Variants in STARD9 observed in about 807,000 individuals in gnomAD.
The protein encoded by STARD9 is stAR-related lipid transfer protein 9.
Under a neutral mutation model 399.8 loss-of-function variants are expected in STARD9, and 346 were observed. The observed-to-expected ratio is 0.87, with a 90% CI of 0.79 to 0.95. The LOEUF (loss-of-function observed/expected upper bound fraction) is 0.95. STARD9 is among the 40% of genes least tolerant of loss of function. The pLI is 0.00. For synonymous variants in STARD9, 2,203 were observed against 2,143.5 expected (o/e 1.03, Z -0.77); for missense variants, 5,832 against 5,667.5 (o/e 1.03, Z -0.93).
rs1426054352 is a variant in STARD9 at position 42,650,945 on chromosome 15, C to G, written c.560-71C>G. The stretch of plus-strand genomic sequence containing the variant: ...CAATATGAAATAGGAATGATAAAGA[C>G]TTACAAGAAAAGGTTAAAGTTTACC... On this transcript the variant is annotated intron_variant, in intron 7 of 32. Transcript: ENST00000290607. 9 of 1,107,536 alleles carry G rather than the reference C, an allele frequency of 8.1e-6. No individual in the cohort carries two copies. In the Middle Eastern group the frequency reaches 1.2e-3, roughly 143 times the overall value. The allele number at this position is 1,107,536 out of a possible 1,614,324, so 68.6% of individuals were successfully genotyped here. A position where few individuals can be genotyped will look rare whatever the true frequency, so the allele number is the denominator to read the frequency against.
chr15:42,707,906 G>A (rs1381145730), intron 26 of STARD9, among the ~76,000 whole-genome samples: 2 of 151,672 alleles, frequency 1.3e-5, no homozygotes. Context: ...AGACACGGTG[G>A]CTCACATCTG....
At chr15:42,648,698 T>A (rs2059694369) in intron 7 of STARD9, among the ~76,000 whole-genome samples, 1 of 152,168 alleles carries the variant, frequency 6.6e-6, no homozygotes, top group South Asian at 2.1e-4. Flanking sequence ...ATTCTTGAAT[T>A]GTGCTTTTGT....
intron 3 of STARD9, among the ~76,000 whole-genome samples, chr15:42,618,820 C>T (rs1467881003): frequency 1.3e-5 from 2 of 152,026 alleles, no homozygotes; most frequent in African/African-American, 4.8e-5. Context: ...GATCCACCTG[C>T]CTCGGCCTTT....
At position 42,688,750 on chromosome 15, in the gene STARD9, G is replaced by T; in HGVS notation, c.7172G>T (p.Ser2391Ile). 1 of 1,537,772 alleles carries T rather than the reference G, an allele frequency of 6.5e-7. No homozygotes were observed. The highest frequency in any genetic ancestry group is 8.7e-7 in the Non-Finnish European group (1 of 1,147,030). The change falls in exon 23 of 33, where the codon AGC becomes ATC. Residue 2391 changes from serine (S) to isoleucine (I), a missense_variant. Ser to Ile is a moderately radical substitution (Grantham distance 142). This residue lies in a region of STARD9 where 5,828 missense variants were observed against 5,651.1 expected (regional missense o/e 1.03). Transcript: ENST00000290607. ...QDQSTETRSH[S>I]PEGNVRGRSS... ...CAGAGTACGGAGACCAGAAGCCACAGCCCCGAAGGAAATGTTAGAGGGCGT... is the reference window on the plus strand; with the variant it reads ...CAGAGTACGGAGACCAGAAGCCACATCCCCGAAGGAAATGTTAGAGGGCGT...
Position 42,663,417 on chromosome 15 carries a change from A to G in STARD9, c.1005A>G (p.Pro335=), listed in dbSNP as rs781202118. 41 of 1,537,162 alleles carry G rather than the reference A, an allele frequency of 2.7e-5. No homozygotes were observed. In the South Asian group the frequency reaches 3.9e-4, roughly 15 times the overall value. The part of the protein sequence containing the change: ...GAPSRRQSYI[P]YRDSVLTWLL... ...CCTCCCGAAGGCAGTCTTATATCCC[A>G]TACCGAGACTCTGTGTTGACCTGGC... Residue 335 remains proline, a synonymous_variant, in exon 12 of 33, where the codon CCA becomes CCG. Transcript: ENST00000290607.
chr15:42,614,987 CA>C (rs1409719351), intron 3 of STARD9, among the ~76,000 whole-genome samples: 4 of 142,400 alleles, frequency 2.8e-5, no homozygotes, highest in Admixed American at 7.4e-5. Context: ...CAGAAAACAG[CA>C]GTTCATAAAG....
intron 3 of STARD9, among the ~76,000 whole-genome samples, chr15:42,626,976 A>G (rs1166762020): frequency 6.6e-6 from 1 of 151,902 alleles, no homozygotes; most frequent in Non-Finnish European, 1.5e-5. Flanking sequence ...TCAGCCTCCC[A>G]AGTAGCTGAG....
intron 26 of STARD9, among the ~76,000 whole-genome samples, chr15:42,713,372 C>A (rs2061286443): frequency 6.6e-6 from 1 of 152,120 alleles, no homozygotes; most frequent in South Asian, 2.1e-4. Context: ...AAGATCATGT[C>A]ATCTGCCTTT....
rs1300279865 is a variant in STARD9, at chr15:42,689,275, A to G, written c.7697A>G (p.His2566Arg). 3 of 1,537,174 alleles carry G rather than the reference A, an allele frequency of 2.0e-6. No homozygotes were observed. Among genetic ancestry groups the G allele is most frequent in the Non-Finnish European group, 2.6e-6 (3 of 1,146,922 alleles). ...RQAKAQRKQL[H>R]DFVARGTVLS... ...GCAAAGGCCCAGAGAAAGCAGCTTC[A>G]TGACTTTGTGGCCAGGGGCACAGTC... Residue 2566 changes from histidine (H) to arginine (R), a missense_variant, in exon 23 of 33, where the codon CAT (histidine) becomes CGT (arginine). Around this residue, in one of 2 missense-constraint regions of STARD9, gnomAD observed 5,828 missense variants for 5,651.1 expected, o/e 1.03. Transcript: ENST00000290607.
At chr15:42,661,262 G>A (rs1391867848) in intron 10 of STARD9, 37 bp downstream of exon 10, 7 of 1,368,366 alleles carry the variant, frequency 5.1e-6, no homozygotes, top group Non-Finnish European at 7.0e-6. Flanking sequence ...AATTACTCTT[G>A]TTCTTGCCTG....
intron 3 of STARD9, among the ~76,000 whole-genome samples, chr15:42,593,257 C>T (rs1195754203): frequency 6.6e-6 from 1 of 152,172 alleles, no homozygotes; most frequent in Non-Finnish European, 1.5e-5. Flanking sequence ...AAACTAACTT[C>T]CCTCCCTTCC....
chr15:42,662,541 A>G (rs12903726), intron 10 of STARD9, among the ~76,000 whole-genome samples: 1 of 152,242 alleles, frequency 6.6e-6, no homozygotes, highest in South Asian at 2.1e-4. Flanking sequence ...TACATTTAGC[A>G]TAAAGTGTTC....
chr15:42,706,967 A>G (rs962071585), intron 26 of STARD9, among the ~76,000 whole-genome samples: 4 of 151,986 alleles, frequency 2.6e-5, no homozygotes, highest in African/African-American at 9.7e-5. Flanking sequence ...TATGATTCTG[A>G]TATACTATTC....
At chr15:42,624,326 A>G (rs781346857) in intron 3 of STARD9, among the ~76,000 whole-genome samples, 65 of 152,030 alleles carry the variant, frequency 4.3e-4, no homozygotes, top group Admixed American at 6.6e-4. Context: ...GAAAAACACT[A>G]TTTATGTCTA....
intron 13 of STARD9, among the ~76,000 whole-genome samples, chr15:42,664,193 A>G (rs1420166973): frequency 6.6e-6 from 1 of 152,138 alleles, no homozygotes; most frequent in Non-Finnish European, 1.5e-5. Context: ...ACTCTAAGAA[A>G]GGTCATTTAT....
At chr15:42,675,520 C>T (rs2060292022) in intron 18 of STARD9, 144 bp from the exon 19 acceptor site, 3 of 626,938 alleles carry the variant, frequency 4.8e-6, no homozygotes. Context: ...CTGTGAGATG[C>T]AGAATTAATA....
intron 26 of STARD9, among the ~76,000 whole-genome samples, chr15:42,711,889 G>C (rs1030967225): frequency 3.4e-5 from 5 of 148,066 alleles, no homozygotes; most frequent in Non-Finnish European, 1.5e-5. Context: ...GTTTTTCACA[G>C]TGGCTGTCCT....
intron 24 of STARD9, 86 bp downstream of exon 24, chr15:42,694,811 G>T: frequency 8.6e-7 from 1 of 1,158,174 alleles, no homozygotes. Context: ...TTAGCATCCT[G>T]GAGGGTTCTC....
chr15:42,601,549 CG>C (rs2058630178), intron 3 of STARD9, among the ~76,000 whole-genome samples: 1 of 149,292 alleles, frequency 6.7e-6, no homozygotes, highest in African/African-American at 2.4e-5. Context: ...CCCCACCTCC[CG>C]GACGGGGCGG....
Sources: gnomAD v4.1 joint callset for allele counts (sites outside exome capture counted in the v4.1 genomes callset) on GRCh38, gnomAD v4.1.1 for gene constraint, gnomAD v4.1.1 regional missense constraint, MANE v1.5 for transcripts, NCBI Gene and HGNC (gene_info 2026-07-23, HGNC 2026-07-21) for gene names.